The following TUSC3 variants were observed in gnomAD, a reference collection of about 807,000 sequenced individuals.
TUSC3 encodes tumor suppressor candidate 3, also known as dolichyl-diphosphooligosaccharide--protein glycosyltransferase subunit TUSC3.
TUSC3 carries 45 observed loss-of-function variants against 44.8 expected under a neutral mutation model. The ratio of observed to expected loss-of-function variants is 1.00; its 90% CI spans 0.79 to 1.29. The LOEUF is 1.29. Among genes scored for constraint, TUSC3 ranks in the 50% most tolerant of loss-of-function variants. The probability of loss-of-function intolerance (pLI) is 0.00; values close to 1 mark genes in which losing one functional copy is unlikely to be tolerated. For missense variants in TUSC3, 519 were observed against 437.9 expected (o/e 1.19, Z -1.65); for synonymous variants, 212 against 152.9 (o/e 1.39, Z -2.85).
the TUSC3 span, among the ~76,000 whole-genome samples, chr8:15,822,327 A>G: frequency 6.6e-6 from 1 of 152,158 alleles, no homozygotes; most frequent in Admixed American, 6.5e-5. Flanking sequence ...ACATATTTTA[A>G]AAAAATAGAG....
At chr8:15,730,494 T>C (rs1017301058) in intron 6 of TUSC3, among the ~76,000 whole-genome samples, 172 bp from the exon 7 acceptor site, 33 of 152,280 alleles carry the variant, frequency 2.2e-4, no homozygotes, top group African/African-American at 7.5e-4. Context: ...AACATTGTCA[T>C]CTATTTGCAT....
the TUSC3 span, among the ~76,000 whole-genome samples, chr8:15,821,736 G>C: frequency 6.6e-6 from 1 of 151,952 alleles, no homozygotes; most frequent in East Asian, 1.9e-4. Context: ...CCTTTTATTT[G>C]CCTTAGAGAG....
At chr8:15,834,476 T>G in the TUSC3 span, among the ~76,000 whole-genome samples, 6 of 152,104 alleles carry the variant, frequency 3.9e-5, no homozygotes, top group Non-Finnish European at 7.4e-5. Context: ...AACAATACTG[T>G]TTTTTAGACT....
At chr8:15,652,207 A>G (rs1806943969) in intron 3 of TUSC3, among the ~76,000 whole-genome samples, 2 of 152,176 alleles carry the variant, frequency 1.3e-5, no homozygotes. Flanking sequence ...TCTATCTCAC[A>G]TGTGATACTC....
Position 15,730,692 on chromosome 8 carries a change from TCA to T in TUSC3, c.826_827del (p.Gln276ValfsTer24). ...GCTACATTCATGGGAGCAGCCAGGC[TCA>T]GTTTGTGGCAGAATCACACATTATT... ...VSYIHGSSQA[Q>X]FVAESHIILV... On this transcript the variant is annotated frameshift_variant, in exon 7 of 11. Coordinates refer to ENST00000503731, the MANE Select transcript of TUSC3 (RefSeq NM_006765.4). LOFTEE classifies it high-confidence loss of function. 1 of 1,613,204 alleles carries T rather than the reference TCA, an allele frequency of 6.2e-7. No individual in the cohort carries two copies. The highest frequency in any genetic ancestry group is 8.5e-7 in the Non-Finnish European group (1 of 1,179,448).
intron 2 of TUSC3, among the ~76,000 whole-genome samples, chr8:15,491,043 C>G (rs1041440532): frequency 6.6e-6 from 1 of 152,162 alleles, no homozygotes; most frequent in Non-Finnish European, 1.5e-5. Flanking sequence ...TCAGCGTTCA[C>G]TGAACACACA....
chr8:15,750,717 C>G (rs147625269), intron 9 of TUSC3, among the ~76,000 whole-genome samples: 2 of 151,984 alleles, frequency 1.3e-5, no homozygotes, highest in African/African-American at 4.8e-5. Flanking sequence ...ATGCCACTTA[C>G]GTTATTTCTG....
chr8:15,758,238 C>G (rs755210085), intron 10 of TUSC3: 1 of 997,802 alleles, frequency 1.0e-6, no homozygotes, highest in Non-Finnish European at 1.2e-6. Flanking sequence ...TAATGTAAGC[C>G]TTAATATTCA....
chr8:15,751,850 T>G (rs1036672382), intron 9 of TUSC3, among the ~76,000 whole-genome samples: 6 of 152,180 alleles, frequency 3.9e-5, no homozygotes, highest in Non-Finnish European at 8.8e-5. Flanking sequence ...AGTCAGAATC[T>G]CCAAGTGTGG....
At chr8:15,669,014 A>G (rs1290463472) in intron 5 of TUSC3, among the ~76,000 whole-genome samples, 1 of 151,742 alleles carries the variant, frequency 6.6e-6, no homozygotes, top group Admixed American at 6.6e-5. Context: ...TAGAAGTTAC[A>G]ATTTGGGACC....
chr8:15,770,588 C>T (rs1020310023), downstream of TUSC3, among the ~76,000 whole-genome samples: 1 of 151,816 alleles, frequency 6.6e-6, no homozygotes, highest in African/African-American at 2.4e-5. Flanking sequence ...AATATAAATT[C>T]CGATGTTGAA....
At chr8:15,845,376 G>A in the TUSC3 span, among the ~76,000 whole-genome samples, 590 of 152,234 alleles carry the variant, frequency 3.9e-3, 4 homozygotes, top group African/African-American at 0.013. Flanking sequence ...AGAAAATCCT[G>A]AACTCCCTAG....
the TUSC3 span, among the ~76,000 whole-genome samples, chr8:15,775,688 GTACACACACACATATATACATATATA>G: frequency 1.0e-5 from 1 of 97,688 alleles, no homozygotes; most frequent in African/African-American, 3.0e-5. Context: ...AAATACATAT[GTACACACACACATATATACATATATA>G]TACACACACA....
the TUSC3 span, among the ~76,000 whole-genome samples, chr8:15,838,474 T>A: frequency 6.6e-6 from 1 of 152,180 alleles, no homozygotes; most frequent in South Asian, 2.1e-4. Context: ...TTTCAGAGTT[T>A]TGAGTGATAA....
intron 6 of TUSC3, among the ~76,000 whole-genome samples, chr8:15,693,856 CAT>C (rs1435021667): frequency 2.0e-5 from 3 of 151,884 alleles, no homozygotes; most frequent in Non-Finnish European, 4.4e-5. Flanking sequence ...GTTTTTTCTT[CAT>C]TTCTGAATGA....
At chr8:15,835,525 T>A in the TUSC3 span, among the ~76,000 whole-genome samples, 2 of 152,320 alleles carry the variant, frequency 1.3e-5, no homozygotes, top group Admixed American at 6.5e-5. Flanking sequence ...TTTTAATTTC[T>A]TTGAAGATTA....
rs913238178 is a variant in TUSC3, at chr8:15,540,631, CAGGCAGCCCTGCCGTGTTGCT to C, written c.138+72_138+92del. 3.5e-5 allele frequency: 52 copies of C among 1,473,274 alleles called. No individual in the cohort carries two copies. The African/African-American group carries it at 6.7e-4, about 19-fold the overall frequency. The allele number at this position is 1,473,274 out of a possible 1,614,324, so 91.3% of individuals were successfully genotyped here. On this transcript the variant is annotated intron_variant, in intron 1 of 10. Coordinates refer to ENST00000503731, the MANE Select transcript of TUSC3 (RefSeq NM_006765.4). The stretch of plus-strand genomic sequence containing the variant: ...GGCGGGCCAGGGTGGGCCGCGTTGC[CAGGCAGCCCTGCCGTGTTGCT>C]AGGCAGCCTGGTCGCCGGCGTGGGC...
chr8:15,773,483 A>C, the TUSC3 span, among the ~76,000 whole-genome samples: 41 of 152,340 alleles, frequency 2.7e-4, no homozygotes, highest in African/African-American at 9.4e-4. Flanking sequence ...TCAAGTTCAT[A>C]CGTTGAAAAA....
rs558250111 is a variant in TUSC3 at position 15,649,515 on chromosome 8, C to T, written c.309-1182C>T. The stretch of plus-strand genomic sequence containing the variant: ...AGGAGAATGGCATGATCCTGGGAGG[C>T]GGAGCTTGCAGTGAGCCGAGATCGC... On this transcript the variant is annotated intron_variant, in intron 2 of 10. Transcript: ENST00000503731. Among the ~76,000 whole-genome samples the T allele has an allele frequency of 1.9e-3, 292 of 150,182 alleles. 1 individual carries two copies. The highest frequency in any genetic ancestry group is 3.3e-3 in the Non-Finnish European group (225 of 67,806).
Sources: allele counts gnomAD v4.1 joint callset (sites outside exome capture counted in the v4.1 genomes callset), GRCh38; gene constraint gnomAD v4.1.1; transcripts MANE v1.5; gene names NCBI Gene and HGNC (gene_info 2026-07-23, HGNC 2026-07-21).